The following TAFA1 variants were observed in gnomAD, a reference collection of about 807,000 sequenced individuals.
TAFA1 encodes TAFA chemokine like family member 1.
TAFA1 carries 4 observed loss-of-function variants against 18.5 expected under a neutral mutation model. That is an observed-to-expected ratio of 0.22 (90% CI 0.11 to 0.49). The LOEUF is 0.49. Among genes scored for constraint, TAFA1 ranks in the 20% least tolerant of loss-of-function variants. TAFA1 has a pLI of 0.98. For missense variants in TAFA1, 147 were observed against 169.0 expected (o/e 0.87, Z 0.72); for synonymous variants, 56 against 55.2 (o/e 1.01, Z -0.06).
At chr3:68,464,923 C>T (rs1388327630) in intron 3 of TAFA1, among the ~76,000 whole-genome samples, 1 of 152,006 alleles carries the variant, frequency 6.6e-6, no homozygotes, top group South Asian at 2.1e-4. Context: ...ATACTGTTTC[C>T]CCCTTCTTCC....
chr3:68,054,457 C>A (rs200088427), intron 2 of TAFA1, among the ~76,000 whole-genome samples: 2 of 152,308 alleles, frequency 1.3e-5, no homozygotes, highest in East Asian at 3.9e-4. Flanking sequence ...ATCTTCTAGG[C>A]AACATAACTA....
chr3:68,087,179 A>G (rs773658156), intron 2 of TAFA1, among the ~76,000 whole-genome samples: 1 of 152,230 alleles, frequency 6.6e-6, no homozygotes, highest in Non-Finnish European at 1.5e-5. Flanking sequence ...TATAAAATCT[A>G]TAAAGCTCTC....
At chr3:68,083,292 A>T (rs1191032441) in intron 2 of TAFA1, among the ~76,000 whole-genome samples, 1 of 152,264 alleles carries the variant, frequency 6.6e-6, no homozygotes, top group Non-Finnish European at 1.5e-5. Context: ...ACTTCTAAGT[A>T]GTTAAATATT....
rs2066571396 is a variant in TAFA1 at position 68,209,635 on chromosome 3, GA to G, written c.118+202892del. ...GATTTTCTGGCTTCCAATGTGTTTAGACATTGACTCAAAATTGCAGTCATAG... is the reference window on the plus strand; with the variant it reads ...GATTTTCTGGCTTCCAATGTGTTTAGCATTGACTCAAAATTGCAGTCATAG... On this transcript the variant is annotated intron_variant, in intron 2 of 4. Coordinates refer to ENST00000478136, the MANE Select transcript of TAFA1 (RefSeq NM_213609.4). Among the ~76,000 whole-genome samples, 10 of 152,068 alleles carry G rather than the reference GA, an allele frequency of 6.6e-5. No homozygotes were observed. In the South Asian group the frequency reaches 2.1e-3, roughly 32 times the overall value.
intron 2 of TAFA1, among the ~76,000 whole-genome samples, chr3:68,351,739 G>A (rs1243862562): frequency 6.6e-6 from 1 of 151,968 alleles, no homozygotes; most frequent in Non-Finnish European, 1.5e-5. Flanking sequence ...GCTTGTTAAT[G>A]TGGATTCCTC....
intron 2 of TAFA1, 137 bp from the exon 3 acceptor site, chr3:68,417,143 C>T: frequency 1.5e-6 from 1 of 664,844 alleles, no homozygotes; most frequent in Non-Finnish European, 2.6e-6. Flanking sequence ...GAAGAGAGTC[C>T]TGTTGTAATT....
At chr3:68,437,125 C>T (rs767270409) in intron 3 of TAFA1, among the ~76,000 whole-genome samples, 5 of 152,254 alleles carry the variant, frequency 3.3e-5, no homozygotes, top group Admixed American at 6.5e-5. Context: ...GAGAAGGTCA[C>T]GCAATCCTAT....
At chr3:68,181,782 A>G (rs2066204449) in intron 2 of TAFA1, among the ~76,000 whole-genome samples, 1 of 152,176 alleles carries the variant, frequency 6.6e-6, no homozygotes, top group African/African-American at 2.4e-5. Context: ...CATCGAAAGG[A>G]AAAGAGTGGA....
In TAFA1 at chr3:68,056,600, A is replaced by C. The variant is rs562606178; in HGVS notation, c.118+49856A>C. ...CATTATTAAGCCAGATATCCCAGTG[A>C]GCAACCAGAGCTTAATCCCATGGGA... On this transcript the variant is annotated intron_variant, in intron 2 of 4. Coordinates refer to ENST00000478136, the MANE Select transcript of TAFA1 (RefSeq NM_213609.4). Among the ~76,000 whole-genome samples the C allele has an allele frequency of 5.1e-4, 78 of 152,306 alleles. 1 individual carries two copies. Among genetic ancestry groups the C allele is most frequent in the African/African-American group, 1.7e-3 (70 of 41,580 alleles).
chr3:68,008,615 C>A (rs1324070526), intron 2 of TAFA1, among the ~76,000 whole-genome samples: 2 of 152,142 alleles, frequency 1.3e-5, no homozygotes, highest in Non-Finnish European at 2.9e-5. Flanking sequence ...ACCGCCAGAG[C>A]CTGTGTCCTC....
intron 2 of TAFA1, among the ~76,000 whole-genome samples, chr3:68,161,183 A>G (rs1222107930): frequency 2.6e-5 from 4 of 152,256 alleles, no homozygotes; most frequent in South Asian, 2.1e-4. Context: ...AAATTTTCCC[A>G]TAGAAGGTAT....
At chr3:68,368,012 T>A (rs920112306) in intron 2 of TAFA1, among the ~76,000 whole-genome samples, 1 of 152,208 alleles carries the variant, frequency 6.6e-6, no homozygotes, top group South Asian at 2.1e-4. Context: ...CATATTCCCA[T>A]ACATTTATTT....
At chr3:68,332,030 A>AT (rs2068885772) in intron 2 of TAFA1, among the ~76,000 whole-genome samples, 1 of 151,432 alleles carries the variant, frequency 6.6e-6, no homozygotes, top group Middle Eastern at 3.4e-3. Flanking sequence ...CACCCTGCCA[A>AT]TTTTTTGTGT....
At chr3:68,038,061 A>G (rs1705089378) in intron 2 of TAFA1, among the ~76,000 whole-genome samples, 1 of 152,210 alleles carries the variant, frequency 6.6e-6, no homozygotes, top group Non-Finnish European at 1.5e-5. Context: ...CCATTAACAG[A>G]CCACAGATAG....
At chr3:68,206,541 G>T (rs967979679) in intron 2 of TAFA1, among the ~76,000 whole-genome samples, 2 of 151,796 alleles carry the variant, frequency 1.3e-5, no homozygotes, top group Non-Finnish European at 2.9e-5. Flanking sequence ...TAAAAAAGAG[G>T]ATTTACTGAC....
At chr3:68,204,050 C>T (rs1446155933) in intron 2 of TAFA1, among the ~76,000 whole-genome samples, 1 of 145,588 alleles carries the variant, frequency 6.9e-6, no homozygotes, top group Non-Finnish European at 1.5e-5. Flanking sequence ...TAAAGGTTTT[C>T]CTACCTAGCA....
chr3:68,495,998 C>CAAAAAAAAAAA (rs199520960), intron 3 of TAFA1, among the ~76,000 whole-genome samples: 38 of 107,548 alleles, frequency 3.5e-4, no homozygotes, highest in East Asian at 1.1e-3. Flanking sequence ...TTCCCTGAAG[C>CAAAAAAAAAAA]AAAAAAAAAA....
chr3:68,260,442 G>A (rs1453263044), intron 2 of TAFA1, among the ~76,000 whole-genome samples: 3 of 152,100 alleles, frequency 2.0e-5, no homozygotes, highest in African/African-American at 4.8e-5. Flanking sequence ...TCAGGATGAT[G>A]CTGGCCTCAT....
At chr3:68,349,295 A>G (rs906181521) in intron 2 of TAFA1, among the ~76,000 whole-genome samples, 5 of 151,976 alleles carry the variant, frequency 3.3e-5, no homozygotes, top group Admixed American at 6.6e-5. Context: ...CACAAGCAAA[A>G]TGCTTTCTAA....
Sources: allele counts gnomAD v4.1 joint callset (sites outside exome capture counted in the v4.1 genomes callset), GRCh38; gene constraint gnomAD v4.1.1; transcripts MANE v1.5; gene names NCBI Gene and HGNC (gene_info 2026-07-23, HGNC 2026-07-21).